The following GSG1L variants were observed in gnomAD, a reference collection of about 807,000 sequenced individuals.
The protein encoded by GSG1L is GSG1 like.
Under a neutral mutation model 42.1 loss-of-function variants are expected in GSG1L, and 24 were observed. That is an observed-to-expected ratio of 0.57 (90% CI 0.41 to 0.80). The LOEUF is 0.80. Among genes scored for constraint, GSG1L ranks in the 30% least tolerant of loss-of-function variants. The probability of loss-of-function intolerance (pLI) is 0.00; values close to 1 mark genes in which losing one functional copy is unlikely to be tolerated. For synonymous variants in GSG1L, 215 were observed against 203.5 expected, an observed-to-expected ratio of 1.06 and a Z score of -0.48; for missense variants, 445 against 472.2, an observed-to-expected ratio of 0.94 and a Z score of 0.53.
intron 1 of GSG1L, among the ~76,000 whole-genome samples, chr16:27,991,957 A>C (rs2085461738): frequency 6.6e-6 from 1 of 152,114 alleles, no homozygotes; most frequent in Non-Finnish European, 1.5e-5. Context: ...TGAGATTGTC[A>C]GGGCAGGTTT....
intron 6 of GSG1L, among the ~76,000 whole-genome samples, chr16:27,801,400 C>T (rs1457390975): frequency 6.6e-6 from 1 of 152,212 alleles, no homozygotes; most frequent in Non-Finnish European, 1.5e-5. Context: ...GTGCTTAGCA[C>T]AGACCTGCAC....
chr16:27,930,733 T>C lies in GSG1L; in HGVS notation c.397+32423A>G, dbSNP rs531497850. On this transcript the variant is annotated intron_variant, in intron 2 of 6. Coordinates refer to ENST00000447459, the MANE Select transcript of GSG1L (RefSeq NM_001109763.2). ...TCATTCACAAATGCTCTTTTCTTTC[T>C]TTTTTTAAAGAGACAGGGTCTTATT... 7.2e-5 allele frequency among the ~76,000 whole-genome samples: 11 copies of C among 152,282 alleles called. No individual in the cohort carries two copies. In the South Asian group the frequency reaches 2.3e-3, roughly 32 times the overall value.
chr16:27,946,610 AGAGAGAGAGAGAGAGAGAG>A (rs2084868760), intron 2 of GSG1L, among the ~76,000 whole-genome samples: 4 of 10,028 alleles, frequency 4.0e-4, no homozygotes, highest in Non-Finnish European at 4.5e-4. Context: ...AGAGAGAGAG[AGAGAGAGAGAGAGAGAGAG>A]AGAAAGAAAG....
chr16:28,058,620 C>CAAAAAA (rs66952573), intron 1 of GSG1L, among the ~76,000 whole-genome samples: 1 of 82,552 alleles, frequency 1.2e-5, no homozygotes, highest in Non-Finnish European at 2.6e-5. Context: ...AGAACAAGAC[C>CAAAAAA]AAAAAAAAAA....
At chr16:28,051,498 G>T (rs1435192910) in intron 1 of GSG1L, among the ~76,000 whole-genome samples, 1 of 150,106 alleles carries the variant, frequency 6.7e-6, no homozygotes, top group African/African-American at 2.4e-5. Context: ...TCAGGTAGGG[G>T]GAAGTGTTAC....
Position 27,982,950 on chromosome 16 carries a change from A to G in GSG1L, c.350-19747T>C, listed in dbSNP as rs561963695. Among the ~76,000 whole-genome samples the G allele has an allele frequency of 6.4e-4, 97 of 152,284 alleles. 3 individuals are homozygous for G. Among genetic ancestry groups the G allele is most frequent in the Admixed American group, 6.2e-3 (95 of 15,290 alleles). ...ACATGAGATTTGTAGGGGACAAATT[A>G]CCAAACCATATCATCCCAAAACACT... is the stretch of plus-strand genomic sequence containing the variant. On this transcript the variant is annotated intron_variant, in intron 1 of 6. Coordinates refer to ENST00000447459, the MANE Select transcript of GSG1L (RefSeq NM_001109763.2).
At chr16:27,838,370 C>T (rs562601482) in intron 4 of GSG1L, among the ~76,000 whole-genome samples, 19 of 152,312 alleles carry the variant, frequency 1.2e-4, no homozygotes, top group African/African-American at 4.1e-4. Context: ...GGCCCCAACG[C>T]ACCCACAAAA....
intron 2 of GSG1L, among the ~76,000 whole-genome samples, chr16:27,935,395 T>C (rs2084703993): frequency 6.6e-6 from 1 of 152,194 alleles, no homozygotes; most frequent in Non-Finnish European, 1.5e-5. Context: ...GTGGTGTCTA[T>C]GATGCAGGGT....
rs1015256545 is a variant in GSG1L, at chr16:27,791,247, C to A, written c.*123G>T. 3 of 558,466 alleles carry A rather than the reference C, an allele frequency of 5.4e-6. No homozygotes were observed. Among genetic ancestry groups the A allele is most frequent in the Non-Finnish European group, 8.7e-6 (3 of 345,652 alleles). The allele number at this position is 558,466 out of a possible 1,614,324, so 34.6% of individuals were successfully genotyped here. ...TGGGCAGGACAGGCCTGGCATCTCC[C>A]ACGCAGGCTGACTGAGTTCACGGCA... On this transcript the variant is annotated 3_prime_UTR_variant, in exon 7 of 7. Coordinates refer to ENST00000447459, the MANE Select transcript of GSG1L (RefSeq NM_001109763.2).
intron 2 of GSG1L, among the ~76,000 whole-genome samples, chr16:27,949,741 C>T (rs7189451): frequency 0.46 from 70,455 of 151,928 alleles, 16,640 homozygotes; most frequent in Middle Eastern, 0.52. Flanking sequence ...CTGGCTAACA[C>T]GATGAAACCC....
At chr16:27,934,851 T>A (rs1317770538) in intron 2 of GSG1L, among the ~76,000 whole-genome samples, 2 of 152,298 alleles carry the variant, frequency 1.3e-5, no homozygotes, top group East Asian at 1.9e-4. Context: ...GATCTATGCA[T>A]AACACCTGGC....
intron 5 of GSG1L, among the ~76,000 whole-genome samples, chr16:27,820,375 A>G (rs754011168): frequency 1.3e-5 from 2 of 151,954 alleles, no homozygotes; most frequent in Admixed American, 1.3e-4. Flanking sequence ...AGCCGAAGAG[A>G]GAGCAATTCG....
At chr16:27,837,368 T>C (rs2083332613) in intron 4 of GSG1L, among the ~76,000 whole-genome samples, 1 of 151,668 alleles carries the variant, frequency 6.6e-6, no homozygotes, top group African/African-American at 2.4e-5. Flanking sequence ...GTGAGATTTG[T>C]ACAAGCCTAA....
intron 3 of GSG1L, among the ~76,000 whole-genome samples, chr16:27,876,739 G>C (rs1407072754): frequency 1.3e-5 from 2 of 152,136 alleles, no homozygotes; most frequent in African/African-American, 4.8e-5. Flanking sequence ...AAACACACTG[G>C]TGGCACCCAC....
chr16:28,048,603 A>T (rs2086190292), intron 1 of GSG1L, among the ~76,000 whole-genome samples: 1 of 152,168 alleles, frequency 6.6e-6, no homozygotes, highest in Non-Finnish European at 1.5e-5. Flanking sequence ...TTATTCTTGG[A>T]TCAATGAAGT....
intron 1 of GSG1L, among the ~76,000 whole-genome samples, chr16:28,013,706 C>T (rs1194462162): frequency 1.3e-5 from 2 of 152,184 alleles, no homozygotes; most frequent in Admixed American, 6.5e-5. Flanking sequence ...GGACCCCAAG[C>T]GCCACGTTAA....
intron 1 of GSG1L, among the ~76,000 whole-genome samples, chr16:28,027,960 G>A (rs899447161): frequency 8.5e-5 from 13 of 152,154 alleles, no homozygotes; most frequent in East Asian, 1.9e-4. Flanking sequence ...CTGTGATTGC[G>A]CCACTGCACT....
At chr16:28,024,200 C>T (rs1483797411) in intron 1 of GSG1L, among the ~76,000 whole-genome samples, 1 of 152,134 alleles carries the variant, frequency 6.6e-6, no homozygotes, top group African/African-American at 2.4e-5. Context: ...GAGGGCAACT[C>T]GATGCCCCCA....
intron 1 of GSG1L, among the ~76,000 whole-genome samples, chr16:28,007,482 G>T (rs1377672976): frequency 1.2e-5 from 1 of 86,870 alleles, no homozygotes; most frequent in Non-Finnish European, 2.2e-5. Context: ...GTGTGTGGTT[G>T]GTTGGTTGGT....
Sources: allele counts gnomAD v4.1 joint callset (sites outside exome capture counted in the v4.1 genomes callset), GRCh38; gene constraint gnomAD v4.1.1; transcripts MANE v1.5; gene names NCBI Gene and HGNC (gene_info 2026-07-23, HGNC 2026-07-21).